The following PTK2 variants were observed in gnomAD, a reference collection of about 807,000 sequenced individuals.
PTK2 encodes the protein protein tyrosine kinase 2, also known as focal adhesion kinase 1.
A neutral mutation model predicts 150.1 loss-of-function variants in PTK2; 45 were observed. That is an observed-to-expected ratio of 0.30 (90% CI 0.24 to 0.38). PTK2 has a LOEUF of 0.38. Among genes scored for constraint, PTK2 ranks in the 10% least tolerant of loss-of-function variants. The probability of loss-of-function intolerance (pLI) is 1.00; values close to 1 mark genes in which losing one functional copy is unlikely to be tolerated. For synonymous variants in PTK2, 432 were observed against 449.2 expected (o/e 0.96, Z 0.48); for missense variants, 919 against 1,307.3 (o/e 0.70, Z 4.58).
Position 140,751,933 on chromosome 8 carries a change from A to G in PTK2, c.1417+299T>C, listed in dbSNP as rs187214038. On this transcript the variant is annotated intron_variant, in intron 17 of 31. Coordinates refer to ENST00000522684, the Ensembl canonical transcript of PTK2. ...CATTCCTGGGGTCTGGGCAGCATCAACATTAGGATCACTTATATATCTGCA... is the reference window on the plus strand; with the variant it reads ...CATTCCTGGGGTCTGGGCAGCATCAGCATTAGGATCACTTATATATCTGCA... 1.1e-5 allele frequency: 6 copies of G among 557,384 alleles called. No homozygotes were observed. In the East Asian group the frequency reaches 2.3e-4, roughly 22 times the overall value. 34.5% of individuals were successfully genotyped at this position (557,384 alleles called of 1,614,324 possible).
intron 22 of PTK2, among the ~76,000 whole-genome samples, chr8:140,723,321 G>C (rs1002963518): frequency 6.6e-6 from 1 of 152,060 alleles, no homozygotes; most frequent in Non-Finnish European, 1.5e-5. Flanking sequence ...ATGACAACTG[G>C]GAAGCAAGTT....
At chr8:140,967,265 T>G (rs1295532603) in intron 1 of PTK2, among the ~76,000 whole-genome samples, 1 of 152,184 alleles carries the variant, frequency 6.6e-6, no homozygotes, top group Non-Finnish European at 1.5e-5. Flanking sequence ...ACAATAAACA[T>G]GATCTGGGCT....
intron 1 of PTK2, among the ~76,000 whole-genome samples, chr8:140,968,167 C>A (rs1295303057): frequency 1.3e-5 from 2 of 152,062 alleles, no homozygotes; most frequent in Non-Finnish European, 2.9e-5. Context: ...AAACCAATAC[C>A]CTAAAAGAGG....
chr8:140,701,278 T>A (rs1467804997), intron 25 of PTK2, among the ~76,000 whole-genome samples: 2 of 152,146 alleles, frequency 1.3e-5, no homozygotes, highest in African/African-American at 4.8e-5. Context: ...ACACAAGATA[T>A]GTGCAAAGAA....
At chr8:140,902,923 T>G (rs1295038695) in intron 2 of PTK2, among the ~76,000 whole-genome samples, 2 of 81,960 alleles carry the variant, frequency 2.4e-5, no homozygotes, top group East Asian at 5.3e-4. Context: ...TGATGAGAGT[T>G]GTTTTTTTTT....
chr8:140,902,944 T>TTG (rs1568518798), intron 2 of PTK2, among the ~76,000 whole-genome samples: 34 of 139,454 alleles, frequency 2.4e-4, no homozygotes, highest in Middle Eastern at 3.6e-3. Context: ...TTTTTTTTTT[T>TTG]TTTTTTTTTT....
At chr8:140,777,847 T>C (rs760324146) in intron 14 of PTK2, among the ~76,000 whole-genome samples, 2 of 152,188 alleles carry the variant, frequency 1.3e-5, no homozygotes, top group Non-Finnish European at 2.9e-5. Context: ...ACGCGTTCTA[T>C]GAAGAGTCAG....
intron 4 of PTK2, among the ~76,000 whole-genome samples, chr8:140,868,614 T>C (rs2100140761): frequency 6.6e-6 from 1 of 152,190 alleles, no homozygotes; most frequent in Admixed American, 6.5e-5. Context: ...TGTGCCATCA[T>C]TATGGACTTC....
At chr8:140,935,700 A>ATATTTTTTTT in intron 1 of PTK2, among the ~76,000 whole-genome samples, 1 of 52,488 alleles carries the variant, frequency 1.9e-5, no homozygotes, top group East Asian at 7.2e-4. Flanking sequence ...GTATGTCCTC[A>ATATTTTTTTT]TCTTTTTTTT....
intron 7 of PTK2, chr8:140,832,836 C>T (rs887203964): frequency 3.5e-5 from 18 of 518,630 alleles, no homozygotes; most frequent in South Asian, 4.2e-5. Context: ...TGTACGTGCA[C>T]GCCCTTCTAG....
intron 23 of PTK2, among the ~76,000 whole-genome samples, chr8:140,716,713 G>A (rs1419132302): frequency 6.6e-6 from 1 of 152,106 alleles, no homozygotes; most frequent in African/African-American, 2.4e-5. Context: ...TTTTCATAAA[G>A]AAAATAATTG....
chr8:140,992,583 A>T lies in PTK2; in HGVS notation c.-122+8542T>A, dbSNP rs2100196156. 1.3e-5 allele frequency among the ~76,000 whole-genome samples: 2 copies of T among 152,318 alleles called. 1 individual carries two copies. Among genetic ancestry groups the T allele is most frequent in the Middle Eastern group, 6.8e-3 (2 of 294 alleles). On this transcript the variant is annotated intron_variant, in intron 1 of 31. Transcript: ENST00000522684. ...TCTAGCAAGTTTCTAGATGATAGTG[A>T]TGCTACAATTCCGTCACTACTCTGA...
chr8:140,909,974 T>C (rs1014041865), intron 2 of PTK2, among the ~76,000 whole-genome samples: 1 of 152,144 alleles, frequency 6.6e-6, no homozygotes, highest in African/African-American at 2.4e-5. Flanking sequence ...CCTTTAAAAA[T>C]TTCTCCTAAA....
chr8:140,761,201 T>C (rs774586495), exon 16 of PTK2: 3 of 1,612,974 alleles, frequency 1.9e-6, no homozygotes, highest in Non-Finnish European at 2.5e-6. Flanking sequence ...CATCTCCAAA[T>C]TGGCCTTCTC....
At chr8:140,926,565 C>T (rs2154608407) in intron 1 of PTK2, among the ~76,000 whole-genome samples, 1 of 152,292 alleles carries the variant, frequency 6.6e-6, no homozygotes, top group East Asian at 1.9e-4. Flanking sequence ...AATCATGAGG[C>T]TCATGTGATA....
intron 16 of PTK2, among the ~76,000 whole-genome samples, chr8:140,757,111 C>T (rs1211779728): frequency 6.6e-6 from 1 of 152,160 alleles, no homozygotes; most frequent in Non-Finnish European, 1.5e-5. Flanking sequence ...ACTAACCCTG[C>T]TATTACCTGT....
intron 1 of PTK2, chr8:140,948,814 A>G (rs532604188): frequency 6.6e-5 from 10 of 152,248 alleles, no homozygotes; most frequent in Non-Finnish European, 1.3e-4. Context: ...ATAATACAGT[A>G]TAACAACTAT....
chr8:140,759,000 T>A (rs1200988515), intron 16 of PTK2, among the ~76,000 whole-genome samples: 2 of 152,222 alleles, frequency 1.3e-5, no homozygotes, highest in African/African-American at 4.8e-5. Flanking sequence ...TACACGTTTG[T>A]AGCCTAGGAG....
At chr8:140,803,407 T>A (rs1221904537) in intron 11 of PTK2, 136 bp downstream of exon 11, 1 of 706,444 alleles carries the variant, frequency 1.4e-6, no homozygotes, top group African/African-American at 1.8e-5. Context: ...GTTTCTAATG[T>A]AACCCTTTCT....
Sources: allele counts gnomAD v4.1 joint callset (sites outside exome capture counted in the v4.1 genomes callset), GRCh38; gene constraint gnomAD v4.1.1; transcripts MANE v1.5; gene names NCBI Gene and HGNC (gene_info 2026-07-23, HGNC 2026-07-21).